Variants in MCM10 observed in about 807,000 individuals in gnomAD.
MCM10 encodes the protein minichromosome maintenance 10 replication initiation factor, also known as protein MCM10 homolog.
In MCM10, 91 loss-of-function variants were observed where a neutral mutation model predicts 109.9. That is an observed-to-expected ratio of 0.83 (90% confidence interval 0.70 to 0.99). MCM10 has a LOEUF of 0.99. MCM10 is among the 50% of genes least tolerant of loss of function. The pLI, the probability that MCM10 is intolerant of heterozygous loss-of-function variation, is 0.00. For synonymous variants in MCM10, 380 were observed against 387.2 expected (o/e 0.98, Z 0.22); for missense variants, 1,077 against 1,061.2 (o/e 1.01, Z -0.21).
chr10:13,191,317 TAAG>T lies in MCM10; in HGVS notation c.1442_1444del (p.Lys481del), dbSNP rs968380074. 10 of 1,613,802 alleles carry T rather than the reference TAAG, an allele frequency of 6.2e-6. No homozygotes were observed. The highest frequency in any genetic ancestry group is 1.3e-5 in the African/African-American group (1 of 74,908). On this transcript the variant is annotated inframe_deletion, in exon 11 of 20. Transcript: ENST00000378714. ...ATTTCAGTGCAGCAGCTGTGGCTCC[TAAG>T]AAGAAGATTCAAACCACTCTGAGTA...
At position 13,189,123 on chromosome 10, in the gene MCM10, A is replaced by G. The variant is rs1487135046; in HGVS notation, c.1415+43A>G. 4 of 1,603,516 alleles carry G rather than the reference A, an allele frequency of 2.5e-6. No individual in the cohort carries two copies. In the Admixed American group the frequency reaches 5.0e-5, roughly 20 times the overall value. On this transcript the variant is annotated intron_variant, in intron 10 of 19. Coordinates refer to ENST00000378714, the MANE Select transcript of MCM10 (RefSeq NM_018518.5). ...TTCTTTTGGGCAGAGGATTTTGCTT[A>G]TCAAAGACTAAACCTACTGGTTGTA... is the stretch of plus-strand genomic sequence containing the variant.
chr10:13,206,306 AC>A (rs1180265484), intron 18 of MCM10, among the ~76,000 whole-genome samples: 1 of 151,700 alleles, frequency 6.6e-6, no homozygotes, highest in Non-Finnish European at 1.5e-5. Context: ...GGCACCCTAT[AC>A]CCTCCCCACA....
chr10:13,166,403 A>C (rs779791679), intron 2 of MCM10, among the ~76,000 whole-genome samples: 9 of 152,100 alleles, frequency 5.9e-5, no homozygotes, highest in Non-Finnish European at 8.8e-5. Flanking sequence ...TGAAAGGCCA[A>C]GGCAGGTGGA....
Position 13,191,350 on chromosome 10 carries a change from G to T in MCM10, c.1467G>T (p.Leu489=), listed in dbSNP as rs760082218. The change falls in exon 11 of 20, where the codon CTG becomes CTT. Residue 489 remains leucine (L), a synonymous_variant. Coordinates refer to ENST00000378714, the MANE Select transcript of MCM10 (RefSeq NM_018518.5). ...KKKIQTTLSN[L]VVKGTNLIIQ... ...AGATTCAAACCACTCTGAGTAATCT[G>T]GTTGTTAAGGGCACAAACTTGATCA... 2.5e-6 allele frequency: 4 copies of T among 1,614,068 alleles called. No homozygotes were observed. The South Asian group carries it at 4.4e-5, about 18-fold the overall frequency.
intron 10 of MCM10, 101 bp downstream of exon 10, chr10:13,189,181 G>T (rs955796174): frequency 7.8e-7 from 1 of 1,284,680 alleles, no homozygotes; most frequent in Non-Finnish European, 1.1e-6. Context: ...TACTTGTACA[G>T]GTTTTATCTT....
intron 14 of MCM10, among the ~76,000 whole-genome samples, chr10:13,196,500 GTTTA>G (rs58896726): frequency 0.26 from 40,091 of 151,582 alleles, 5,617 homozygotes; most frequent in East Asian, 0.34. Context: ...TATTTACTAT[GTTTA>G]TTTATTTATT....
At position 13,172,892 on chromosome 10, in the gene MCM10, C is replaced by CTTTCT; in HGVS notation, c.592+129_592+130insTCTTT. On this transcript the variant is annotated intron_variant, in intron 5 of 19. Transcript: ENST00000378714. This position sits in a 1 kb window ranked among gnomAD's most constrained non-coding sequence, Gnocchi z 5.2. Reference sequence around the variant, plus strand: ...ATGTCCCCATTGAGAAAGAAAGTTTCTTGGGAATGGAAGCCACATGATATA... The same window carrying CTTTCT: ...ATGTCCCCATTGAGAAAGAAAGTTTCTTTCTTTGGGAATGGAAGCCACATGATATA... 1.4e-6 allele frequency: 1 copy of CTTTCT among 706,518 alleles called. No homozygotes were observed. Among genetic ancestry groups the CTTTCT allele is most frequent in the Non-Finnish European group, 2.2e-6 (1 of 451,756 alleles). 43.8% of individuals were successfully genotyped at this position (706,518 alleles called of 1,614,324 possible). A position where few individuals can be genotyped will look rare whatever the true frequency, so the allele number is the denominator to read the frequency against.
chr10:13,195,393 A>G (rs574637695), intron 14 of MCM10, 124 bp downstream of exon 14: 118 of 729,268 alleles, frequency 1.6e-4, no homozygotes, highest in Middle Eastern at 1.4e-3. Flanking sequence ...ATTTGAAAAC[A>G]TGGTAGTGTC....
rs550644313 is a variant in MCM10 at position 13,195,168 on chromosome 10, C to A, written c.1873C>A (p.Pro625Thr). 50 of 1,614,098 alleles carry A rather than the reference C, an allele frequency of 3.1e-5. 1 individual carries two copies. The South Asian group carries it at 5.2e-4, about 17-fold the overall frequency. ...GGAGGGAGCCCCGGCCACAATGACG[C>A]CCAAGCTGGGGCGAGGTGTCTTGGA... ...RLEGAPATMT[P>T]KLGRGVLEGD... The change falls in exon 14 of 20, where the codon CCC becomes ACC. Residue 625 changes from proline to threonine, a missense_variant. Pro to Thr is a conservative substitution (Grantham distance 38, BLOSUM62 -1). Coordinates refer to ENST00000378714, the MANE Select transcript of MCM10 (RefSeq NM_018518.5).
intron 13 of MCM10, among the ~76,000 whole-genome samples, chr10:13,194,237 A>G (rs866356994): frequency 2.6e-5 from 4 of 152,236 alleles, no homozygotes; most frequent in Middle Eastern, 3.4e-3. Flanking sequence ...GGTGGTGCAC[A>G]CTGTGGACCC....
In MCM10 at chr10:13,197,729, A is replaced by G; in HGVS notation, c.2081A>G (p.Lys694Arg). Residue 694 changes from lysine (K) to arginine (R), a missense_variant, in exon 15 of 20, where the codon AAG (lysine) becomes AGG (arginine). Coordinates refer to ENST00000378714, the MANE Select transcript of MCM10 (RefSeq NM_018518.5). ...GACCCTCAGGACATCCTGGAGGTGA[A>G]GGAACGTGTAGAAAAAAACACCATG... ...QKDPQDILEV[K>R]ERVEKNTMFS... 3 of 1,613,492 alleles carry G rather than the reference A, an allele frequency of 1.9e-6. No homozygotes were observed. Among genetic ancestry groups the G allele is most frequent in the Non-Finnish European group, 2.5e-6 (3 of 1,179,862 alleles).
intron 18 of MCM10, chr10:13,204,628 A>G (rs1245060564): frequency 5.6e-6 from 2 of 356,736 alleles, no homozygotes; most frequent in Non-Finnish European, 5.1e-6. Context: ...GTGAAGAATC[A>G]TAGGGTGAGG....
chr10:13,204,998 G>GTATATA (rs1325120690), intron 18 of MCM10, among the ~76,000 whole-genome samples: 4 of 19,540 alleles, frequency 2.0e-4, no homozygotes, highest in South Asian at 2.1e-3. Context: ...ATGTATGTAT[G>GTATATA]TATGTATATA....
chr10:13,190,367 C>CTA (rs1156878908), intron 10 of MCM10, among the ~76,000 whole-genome samples: 2 of 152,170 alleles, frequency 1.3e-5, no homozygotes, highest in African/African-American at 4.8e-5. Context: ...TAAAAACCAA[C>CTA]TATAATCCTA....
Position 13,180,597 on chromosome 10 carries a change from G to C in MCM10, c.920G>C (p.Ser307Thr). 6.2e-7 allele frequency: 1 copy of C among 1,614,124 alleles called. No homozygotes were observed. Among genetic ancestry groups the C allele is most frequent in the Non-Finnish European group, 8.5e-7 (1 of 1,180,020 alleles). The change falls in exon 7 of 20, where the codon AGT (serine) becomes ACT (threonine). Residue 307 changes from serine (S) to threonine (T), a missense_variant. Coordinates refer to ENST00000378714, the MANE Select transcript of MCM10 (RefSeq NM_018518.5). Reference sequence around the variant, plus strand: ...ATATTGAAGAAGGTTACGCCACAGAGTGTGAATAGTGTAAGCCATTGTATT... The same window carrying C: ...ATATTGAAGAAGGTTACGCCACAGACTGTGAATAGTGTAAGCCATTGTATT... ...GVILKKVTPQSVNSGKTFSIW... is the reference protein window; with the variant it reads ...GVILKKVTPQTVNSGKTFSIW...
intron 18 of MCM10, 190 bp downstream of exon 18, chr10:13,204,554 C>T: frequency 1.6e-6 from 1 of 617,262 alleles, no homozygotes; most frequent in Non-Finnish European, 2.8e-6. Context: ...TCACTGCTGT[C>T]CCCAACACCT....
At chr10:13,183,603 A>C (rs1834237124) in intron 8 of MCM10, among the ~76,000 whole-genome samples, 1 of 152,168 alleles carries the variant, frequency 6.6e-6, no homozygotes, top group South Asian at 2.1e-4. Flanking sequence ...TTTTGTAACA[A>C]CTACTTTTAT....
intron 8 of MCM10, among the ~76,000 whole-genome samples, chr10:13,184,260 T>G (rs927457484): frequency 8.5e-5 from 13 of 152,168 alleles, no homozygotes; most frequent in African/African-American, 3.1e-4. Context: ...CCCAAAGTAC[T>G]AGGATTACAA....
chr10:13,201,503 A>T lies in MCM10; in HGVS notation c.2321A>T (p.Glu774Val), dbSNP rs185670832. Residue 774 changes from glutamate to valine, a missense_variant, in exon 17 of 20, where the codon GAA (glutamate) becomes GTA (valine). Coordinates refer to ENST00000378714, the MANE Select transcript of MCM10 (RefSeq NM_018518.5). ...GAAGAAAAGATGAGAAACATCAGAG[A>T]AGTGAAGTGCCGTGTCGTGACATGC... The part of the protein sequence containing the change: ...QMEEKMRNIR[E>V]VKCRVVTCKT... 18 of 1,612,214 alleles carry T rather than the reference A, an allele frequency of 1.1e-5. No individual in the cohort carries two copies. The Admixed American group carries it at 2.3e-4, about 21-fold the overall frequency.
Sources: allele counts gnomAD v4.1 joint callset (sites outside exome capture counted in the v4.1 genomes callset), GRCh38; gene constraint gnomAD v4.1.1; non-coding constraint Gnocchi (gnomAD v3.1); transcripts MANE v1.5; gene names NCBI Gene and HGNC (gene_info 2026-07-23, HGNC 2026-07-21).